The following MMEL1 variants were observed in gnomAD, a reference collection of about 807,000 sequenced individuals.
MMEL1 encodes membrane metallo-endopeptidase-like 1.
Under a neutral mutation model 117.1 loss-of-function variants are expected in MMEL1, and 98 were observed. That is an observed-to-expected ratio of 0.84 (90% confidence interval 0.71 to 0.99). The LOEUF (loss-of-function observed/expected upper bound fraction) is 0.99, where lower values mean the gene tolerates loss of function less well. Among genes scored for constraint, MMEL1 ranks in the 50% least tolerant of loss-of-function variants. The pLI, the probability that MMEL1 is intolerant of heterozygous loss-of-function variation, is 0.00. For missense variants in MMEL1, 1,014 were observed against 1,049.1 expected (o/e 0.97, Z 0.46); for synonymous variants, 390 against 415.1 (o/e 0.94, Z 0.74).
At chr1:2,611,533 G>C in intron 3 of MMEL1, 193 bp from the exon 4 acceptor site, 1 of 519,774 alleles carries the variant, frequency 1.9e-6, no homozygotes, top group South Asian at 2.7e-5. Context: ...CCAAAGCATA[G>C]TCTGGTGGGG....
At chr1:2,609,506 C>A (rs1040397210) in intron 5 of MMEL1, 87 bp from the exon 6 acceptor site, 33 of 1,515,660 alleles carry the variant, frequency 2.2e-5, no homozygotes, top group Non-Finnish European at 3.0e-5. Flanking sequence ...AAGTGCTCGG[C>A]GAGAGGCGGC....
chr1:2,629,401 C>T lies in MMEL1; in HGVS notation c.84G>A (p.Gly28=), dbSNP rs756776750. ...GQKRPGFLEG[G]LLLLLLLVTA... The stretch of plus-strand genomic sequence containing the variant: ...TCACCAGCAGCAGCAGCAGCAGCAG[C>T]CCCCCCTCCAGGAACCCCGGGCGCT... The change falls in exon 2 of 24, where the codon GGG becomes GGA. Residue 28 remains glycine, a synonymous_variant. Coordinates refer to ENST00000378412, the MANE Select transcript of MMEL1 (RefSeq NM_033467.4). 10 of 1,545,678 alleles carry T rather than the reference C, an allele frequency of 6.5e-6. No individual in the cohort carries two copies. The highest frequency in any genetic ancestry group is 5.2e-6 in the Non-Finnish European group (6 of 1,146,112).
At chr1:2,602,932 T>A (rs1472679212) in intron 11 of MMEL1, among the ~76,000 whole-genome samples, 4 of 152,094 alleles carry the variant, frequency 2.6e-5, no homozygotes, top group Admixed American at 1.3e-4. Context: ...TCTGTCCCTC[T>A]CCCGCACCGG....
At chr1:2,614,489 G>A (rs994976748) in intron 2 of MMEL1, among the ~76,000 whole-genome samples, 8 of 152,210 alleles carry the variant, frequency 5.3e-5, no homozygotes, top group Non-Finnish European at 1.2e-4. Context: ...TTACAGACAA[G>A]GAAAGGAGGA....
intron 2 of MMEL1, among the ~76,000 whole-genome samples, chr1:2,618,526 C>G (rs1438707144): frequency 6.6e-6 from 1 of 152,076 alleles, no homozygotes; most frequent in Admixed American, 6.6e-5. Flanking sequence ...TCAGAAGAAA[C>G]AAAGGCACAA....
Position 2,595,975 on chromosome 1 carries a change from G to C in MMEL1, c.1500+34C>G. ...GCGGTGCTGCCCGTGCCCAGATCCA[G>C]TCGGGGCTGCCCTGACCTCTGCGAG... On this transcript the variant is annotated intron_variant, in intron 15 of 23. Coordinates refer to ENST00000378412, the MANE Select transcript of MMEL1 (RefSeq NM_033467.4). This position sits in a 1 kb window ranked among gnomAD's most constrained non-coding sequence, Gnocchi z 4.8. 6.3e-7 allele frequency: 1 copy of C among 1,578,970 alleles called. No homozygotes were observed. Among genetic ancestry groups the C allele is most frequent in the Non-Finnish European group, 8.7e-7 (1 of 1,148,876 alleles).
At chr1:2,591,362 C>T (rs1345102620) in intron 23 of MMEL1, 195 bp downstream of exon 23, 1 of 608,660 alleles carries the variant, frequency 1.6e-6, no homozygotes, top group Non-Finnish European at 2.9e-6. Flanking sequence ...GCTCCCCCTT[C>T]CTAAACCCTT....
chr1:2,605,179 C>T (rs1243227378), intron 9 of MMEL1, among the ~76,000 whole-genome samples: 1 of 152,226 alleles, frequency 6.6e-6, no homozygotes, highest in Admixed American at 6.5e-5. Context: ...CCTCCCCTCT[C>T]TTGACAGCCC....
At chr1:2,609,623 G>A in intron 5 of MMEL1, 47 bp downstream of exon 5, 1 of 1,581,142 alleles carries the variant, frequency 6.3e-7, no homozygotes, top group Non-Finnish European at 8.6e-7. Flanking sequence ...GCCCGGTGCT[G>A]TCCTGTTCGG....
rs1228307474 is a variant in MMEL1 at position 2,611,313 on chromosome 1, T to C, written c.260A>G (p.Glu87Gly). Residue 87 changes from glutamate (E) to glycine (G), a missense_variant, in exon 4 of 24, where the codon GAG becomes GGG. By Grantham distance (98) the Glu-to-Gly change is moderately conservative (BLOSUM62 -2). Coordinates refer to ENST00000378412, the MANE Select transcript of MMEL1 (RefSeq NM_033467.4). Reference sequence around the variant, plus strand: ...CACGCAGCCAGGGGTGGTGCAGACCTCGCTCACCTCTTGGGCCTCTGGGAT... The same window carrying C: ...CACGCAGCCAGGGGTGGTGCAGACCCCGCTCACCTCTTGGGCCTCTGGGAT... ...RGIPEAQEVS[E>G]VCTTPGCVIA... The C allele has an allele frequency of 6.4e-7, 1 of 1,565,970 alleles. No individual in the cohort carries two copies. Among genetic ancestry groups the C allele is most frequent in the Non-Finnish European group, 8.6e-7 (1 of 1,158,140 alleles).
chr1:2,629,257 C>A (rs917710986), intron 2 of MMEL1, 74 bp downstream of exon 2: 4 of 1,442,308 alleles, frequency 2.8e-6, no homozygotes, highest in African/African-American at 1.5e-5. Flanking sequence ...GCAGGCGGAC[C>A]CTGCAGCAGG....
At position 2,604,175 on chromosome 1, in the gene MMEL1, A is replaced by ACCATGTCCT; in HGVS notation, c.922_923insAGGACATGG (p.Gln307_Val308insGluAspMet). 1 of 1,579,194 alleles carries ACCATGTCCT rather than the reference A, an allele frequency of 6.3e-7. No homozygotes were observed. Among genetic ancestry groups the ACCATGTCCT allele is most frequent in the Non-Finnish European group, 8.6e-7 (1 of 1,158,330 alleles). ...GGCCAGCTGTGTCTCCAGCTCCAGC[A>ACCATGTCCT]CCTGCACCATGTCCTCCTGCACCAG... On this transcript the variant is annotated inframe_insertion, in exon 10 of 24. Transcript: ENST00000378412.
chr1:2,621,059 A>G (rs1645282378), intron 2 of MMEL1, among the ~76,000 whole-genome samples: 1 of 152,194 alleles, frequency 6.6e-6, no homozygotes, highest in South Asian at 2.1e-4. Context: ...CTGAGGCAGG[A>G]GGACTGCTTG....
chr1:2,599,629 G>T (rs371596082), intron 11 of MMEL1, among the ~76,000 whole-genome samples: 1 of 152,168 alleles, frequency 6.6e-6, no homozygotes, highest in Non-Finnish European at 1.5e-5. Context: ...AGGTCGAGGC[G>T]GGCAGATCAC....
In MMEL1 at chr1:2,591,095, G is replaced by GGTGGGT; in HGVS notation, c.2241-12_2241-7dup. The GGTGGGT allele has an allele frequency of 6.4e-7, 1 of 1,552,786 alleles. No individual in the cohort carries two copies. Among genetic ancestry groups the GGTGGGT allele is most frequent in the Non-Finnish European group, 8.7e-7 (1 of 1,150,210 alleles). ...TCTGCAGCGACCCCAGTACCCTGTG[G>GGTGGGT]GTGGGTGGGTGTGACAGCAGGAGCA... On this transcript the variant is annotated splice_polypyrimidine_tract_variant and splice_region_variant and intron_variant, in intron 23 of 23. Transcript: ENST00000378412.
Position 2,629,433 on chromosome 1 carries a change from C to A in MMEL1, c.52G>T (p.Gly18Trp). The A allele has an allele frequency of 6.5e-7, 1 of 1,544,960 alleles. No individual in the cohort carries two copies. The change falls in exon 2 of 24, where the codon GGG (glycine) becomes TGG (tryptophan). Residue 18 changes from glycine to tryptophan, a missense_variant. By Grantham distance (184) the Gly-to-Trp change is radical. Coordinates refer to ENST00000378412, the MANE Select transcript of MMEL1 (RefSeq NM_033467.4). ...VGMVESAGRA[G>W]QKRPGFLEGG... ...TCCAGGAACCCCGGGCGCTTCTGCC[C>A]TGCACGGCCGGCGCTCTCCACCATC...
chr1:2,630,395 C>G (rs1638487352), intron 1 of MMEL1, among the ~76,000 whole-genome samples: 1 of 152,132 alleles, frequency 6.6e-6, no homozygotes, highest in Admixed American at 6.5e-5. Context: ...CGTGTACACA[C>G]ACGTGTGCAC....
Position 2,591,653 on chromosome 1 carries a change from G to C in MMEL1, c.2164-20C>G. Reference sequence around the variant, plus strand: ...CCACACCTGTGGGCATGTTGGGGGCGTGGCTACAGGTGGCGTGGTGGGGTG... The same window carrying C: ...CCACACCTGTGGGCATGTTGGGGGCCTGGCTACAGGTGGCGTGGTGGGGTG... On this transcript the variant is annotated intron_variant, in intron 22 of 23. Transcript: ENST00000378412. 1.2e-6 allele frequency: 2 copies of C among 1,604,852 alleles called. No individual in the cohort carries two copies. The highest frequency in any genetic ancestry group is 1.7e-6 in the Non-Finnish European group (2 of 1,172,812).
chr1:2,613,351 C>A (rs1416370700), intron 2 of MMEL1, among the ~76,000 whole-genome samples: 1 of 152,134 alleles, frequency 6.6e-6, no homozygotes, highest in Admixed American at 6.5e-5. Flanking sequence ...TAACCCAGAG[C>A]CTATGGACCA....
Sources: gnomAD v4.1 joint callset for allele counts (sites outside exome capture counted in the v4.1 genomes callset) on GRCh38, gnomAD v4.1.1 for gene constraint, Gnocchi (gnomAD v3.1) non-coding constraint, MANE v1.5 for transcripts, NCBI Gene and HGNC (gene_info 2026-07-23, HGNC 2026-07-21) for gene names.